The following ASIC2 variants were observed in gnomAD, a reference collection of about 807,000 sequenced individuals.
ASIC2 encodes the protein acid sensing ion channel subunit 2.
Under a neutral mutation model 57.3 loss-of-function variants are expected in ASIC2, and 25 were observed. The ratio of observed to expected loss-of-function variants is 0.44; its 90% CI spans 0.32 to 0.61. The LOEUF is 0.61. ASIC2 is among the 20% of genes least tolerant of loss of function. The pLI is 0.06. For synonymous variants in ASIC2, 319 were observed against 307.5 expected (o/e 1.04, Z -0.39); for missense variants, 641 against 738.1 (o/e 0.87, Z 1.52).
chr17:33,366,291 A>C (rs1160850223), intron 1 of ASIC2, among the ~76,000 whole-genome samples: 1 of 152,242 alleles, frequency 6.6e-6, no homozygotes, highest in Non-Finnish European at 1.5e-5. Flanking sequence ...GAGAAAGACC[A>C]AACTCTTGGG....
intron 1 of ASIC2, among the ~76,000 whole-genome samples, chr17:33,981,977 G>T (rs1225407050): frequency 6.6e-6 from 1 of 152,198 alleles, no homozygotes; most frequent in Non-Finnish European, 1.5e-5. Context: ...CCAACCGGAA[G>T]GTTGAGGAGC....
intron 1 of ASIC2, among the ~76,000 whole-genome samples, chr17:34,105,693 A>G (rs1043848535): frequency 1.1e-4 from 16 of 152,002 alleles, no homozygotes; most frequent in African/African-American, 3.9e-4. Flanking sequence ...ACACTAAAAT[A>G]TTCTTTGTAC....
intron 1 of ASIC2, among the ~76,000 whole-genome samples, chr17:33,531,161 T>C (rs959979464): frequency 1.1e-4 from 16 of 152,304 alleles, no homozygotes; most frequent in Non-Finnish European, 1.5e-4. Flanking sequence ...AGAAAGAGTT[T>C]ACAGGCATGG....
At position 33,739,327 on chromosome 17, in the gene ASIC2, G is replaced by A. The variant is rs1910024475; in HGVS notation, c.555+416651C>T. 2.0e-5 allele frequency among the ~76,000 whole-genome samples: 3 copies of A among 152,184 alleles called. No homozygotes were observed. The South Asian group carries it at 6.2e-4, about 32-fold the overall frequency. ...CATCAGAATCATTCAAAGGGTGGAG[G>A]GAAGAGCATGGGATTTGAAGCCAAG... is the stretch of plus-strand genomic sequence containing the variant. On this transcript the variant is annotated intron_variant, in intron 1 of 9. Transcript: ENST00000359872.
chr17:34,079,554 G>A (rs911411664), intron 1 of ASIC2, among the ~76,000 whole-genome samples: 20 of 152,160 alleles, frequency 1.3e-4, no homozygotes, highest in African/African-American at 4.8e-4. Context: ...CAGAATCACT[G>A]GATTTCCTGA....
intron 1 of ASIC2, among the ~76,000 whole-genome samples, chr17:33,556,635 A>T (rs2141980713): frequency 6.6e-6 from 1 of 152,330 alleles, no homozygotes; most frequent in East Asian, 1.9e-4. Flanking sequence ...TGCATCAGAC[A>T]CCCAAGTTTG....
chr17:33,317,638 T>A (rs941032268), intron 1 of ASIC2, among the ~76,000 whole-genome samples: 1 of 152,110 alleles, frequency 6.6e-6, no homozygotes, highest in Non-Finnish European at 1.5e-5. Context: ...GAGTACCATG[T>A]GGAATCAGAG....
intron 1 of ASIC2, among the ~76,000 whole-genome samples, chr17:33,480,983 T>C (rs1567626131): frequency 6.6e-6 from 1 of 152,182 alleles, no homozygotes; most frequent in Non-Finnish European, 1.5e-5. Context: ...CTCTCAACTG[T>C]CTTCTGTCAC....
chr17:33,971,374 G>A (rs925076475), intron 1 of ASIC2, among the ~76,000 whole-genome samples: 2 of 152,148 alleles, frequency 1.3e-5, no homozygotes, highest in Non-Finnish European at 2.9e-5. Context: ...TTTGGCACCT[G>A]GAGAAGAGCA....
At chr17:33,684,805 C>T (rs1368764415) in intron 1 of ASIC2, among the ~76,000 whole-genome samples, 2 of 151,642 alleles carry the variant, frequency 1.3e-5, no homozygotes, top group African/African-American at 4.8e-5. Context: ...AAGATGTCCA[C>T]AGTCAGATTT....
intron 1 of ASIC2, among the ~76,000 whole-genome samples, chr17:34,153,353 A>G (rs183177037): frequency 2.6e-5 from 4 of 152,354 alleles, no homozygotes; most frequent in East Asian, 3.9e-4. Flanking sequence ...AAATAAGCCA[A>G]CTGGAGAGGG....
intron 1 of ASIC2, among the ~76,000 whole-genome samples, chr17:33,714,985 T>TTTTTTTTTATTATTATTA (rs377651164): frequency 7.0e-6 from 1 of 142,200 alleles, no homozygotes; most frequent in African/African-American, 2.7e-5. Context: ...GCCAGGCTAA[T>TTTTTTTTTATTATTATTA]TTATTATTAT....
At chr17:33,873,449 G>A (rs976963122) in intron 1 of ASIC2, among the ~76,000 whole-genome samples, 2 of 152,118 alleles carry the variant, frequency 1.3e-5, no homozygotes, top group African/African-American at 4.8e-5. Context: ...CTTTGTGGTG[G>A]GGATTCCTCT....
chr17:33,612,084 A>C (rs1470521394), intron 1 of ASIC2, among the ~76,000 whole-genome samples: 1 of 152,218 alleles, frequency 6.6e-6, no homozygotes, highest in African/African-American at 2.4e-5. Flanking sequence ...AACAGAGAGA[A>C]GGAATTCTTT....
At chr17:33,421,915 C>T (rs17185084) in intron 1 of ASIC2, among the ~76,000 whole-genome samples, 41,474 of 152,100 alleles carry the variant, frequency 0.27, 6,214 homozygotes, top group Non-Finnish European at 0.33. Context: ...CTAACCAACA[C>T]TAACCAAGCA....
At position 33,293,100 on chromosome 17, in the gene ASIC2, C is replaced by G. The variant is rs1428868514; in HGVS notation, c.-985G>C. On this transcript the variant is annotated 5_prime_UTR_variant, in exon 1 of 10. Coordinates refer to ENST00000225823, the MANE Select transcript of ASIC2 (RefSeq NM_183377.2). ...CCCGCCAACACCTCCCGGGGGTGAC[C>G]CGGACTCGCTGCTCCGCGCGCCCTT... 1 of 935,358 alleles carries G rather than the reference C, an allele frequency of 1.1e-6. No homozygotes were observed. Among genetic ancestry groups the G allele is most frequent in the Non-Finnish European group, 1.3e-6 (1 of 784,410 alleles). 57.9% of individuals were successfully genotyped at this position (935,358 alleles called of 1,614,324 possible).
At position 33,316,633 on chromosome 17, in the gene ASIC2, G is replaced by A. The variant is rs562217567; in HGVS notation, c.556-204566C>T. Among the ~76,000 whole-genome samples, 16 of 152,202 alleles carry A rather than the reference G, an allele frequency of 1.1e-4. No homozygotes were observed. The South Asian group carries it at 3.3e-3, about 32-fold the overall frequency. ...CCTTTTCTTCCATCCTACTCAGTCT[G>A]TTAGCCCCAGTGAACTAGAAATTAA... On this transcript the variant is annotated intron_variant, in intron 1 of 9. Transcript: ENST00000359872.
At chr17:33,328,059 C>A (rs562545793) in intron 1 of ASIC2, among the ~76,000 whole-genome samples, 6 of 152,272 alleles carry the variant, frequency 3.9e-5, no homozygotes, top group African/African-American at 1.2e-4. Context: ...TATAGCCCTG[C>A]TAACATTTTG....
intron 1 of ASIC2, among the ~76,000 whole-genome samples, chr17:33,842,338 G>C (rs987794704): frequency 1.3e-5 from 2 of 152,140 alleles, no homozygotes; most frequent in Non-Finnish European, 2.9e-5. Flanking sequence ...TGGGTCTCCA[G>C]GTTGCCTAGA....
Sources: gnomAD v4.1 joint callset for allele counts (sites outside exome capture counted in the v4.1 genomes callset) on GRCh38, gnomAD v4.1.1 for gene constraint, MANE v1.5 for transcripts, NCBI Gene and HGNC (gene_info 2026-07-23, HGNC 2026-07-21) for gene names.